WDR70: variants seen among roughly 807,000 people sequenced by gnomAD.
WDR70 encodes the protein WD repeat-containing protein 70.
Under a neutral mutation model 88.6 loss-of-function variants are expected in WDR70, and 53 were observed. The observed-to-expected ratio is 0.60, with a 90% confidence interval of 0.48 to 0.75. WDR70 has a LOEUF of 0.75. Among genes scored for constraint, WDR70 ranks in the 30% least tolerant of loss-of-function variants. The pLI is 0.00. For missense variants in WDR70, 610 were observed against 823.2 expected, an observed-to-expected ratio of 0.74 and a Z score of 3.17; for synonymous variants, 280 against 270.0, an observed-to-expected ratio of 1.04 and a Z score of -0.36.
Position 37,450,456 on chromosome 5 carries a change from C to T in WDR70, c.686+7084C>T, listed in dbSNP as rs369844912. Among the ~76,000 whole-genome samples, 79 of 152,284 alleles carry T rather than the reference C, an allele frequency of 5.2e-4. 1 individual carries two copies. Among genetic ancestry groups the T allele is most frequent in the Admixed American group, 4.0e-3 (61 of 15,292 alleles). On this transcript the variant is annotated intron_variant, in intron 7 of 17. Coordinates refer to ENST00000265107, the MANE Select transcript of WDR70 (RefSeq NM_018034.4). ...TGTATCTCTCTACATCCACGTTAAC[C>T]TGAACACCAGTTCATACTGATGTTC... is the stretch of plus-strand genomic sequence containing the variant.
chr5:37,402,364 A>T (rs1387772676), intron 5 of WDR70, among the ~76,000 whole-genome samples: 1 of 151,516 alleles, frequency 6.6e-6, no homozygotes, highest in East Asian at 1.9e-4. Context: ...ATTGATGGAC[A>T]CGTAGGTTGA....
chr5:37,637,534 A>G (rs990474204), intron 10 of WDR70, among the ~76,000 whole-genome samples: 3 of 152,178 alleles, frequency 2.0e-5, no homozygotes, highest in African/African-American at 7.2e-5. Context: ...GAAAATTTTG[A>G]AAGAGACAAT....
intron 8 of WDR70, among the ~76,000 whole-genome samples, chr5:37,490,665 G>A (rs1388749988): frequency 2.0e-5 from 3 of 152,212 alleles, no homozygotes; most frequent in South Asian, 2.1e-4. Flanking sequence ...GAGCATGTGC[G>A]GGTGTGCTGG....
chr5:37,501,882 C>T (rs1485156682), intron 8 of WDR70, among the ~76,000 whole-genome samples: 1 of 151,934 alleles, frequency 6.6e-6, no homozygotes, highest in African/African-American at 2.4e-5. Context: ...AATGTTATAC[C>T]TCTTGATTTG....
chr5:37,450,173 G>A lies in WDR70; in HGVS notation c.686+6801G>A, dbSNP rs546371145. On this transcript the variant is annotated intron_variant, in intron 7 of 17. Coordinates refer to ENST00000265107, the MANE Select transcript of WDR70 (RefSeq NM_018034.4). ...TGATGGGCATTTGGGTTGGTTCCAA[G>A]TCTTTGCTATTGTGAACAGTGCTGC... Among the ~76,000 whole-genome samples the A allele has an allele frequency of 5.9e-4, 90 of 152,262 alleles. 1 individual carries two copies. Among genetic ancestry groups the A allele is most frequent in the Non-Finnish European group, 1.1e-3 (77 of 68,028 alleles).
At chr5:37,705,107 T>C (rs1747283281) in intron 13 of WDR70, among the ~76,000 whole-genome samples, 1 of 152,128 alleles carries the variant, frequency 6.6e-6, no homozygotes, top group South Asian at 2.1e-4. Flanking sequence ...CTGTTCTTGA[T>C]ATGTTGAGCT....
intron 4 of WDR70, among the ~76,000 whole-genome samples, chr5:37,394,534 A>G (rs1748950036): frequency 6.6e-6 from 1 of 152,188 alleles, no homozygotes; most frequent in Non-Finnish European, 1.5e-5. Flanking sequence ...GAAGGGATAG[A>G]TAACAGACAA....
intron 10 of WDR70, among the ~76,000 whole-genome samples, chr5:37,673,650 G>A (rs1018991812): frequency 7.9e-6 from 1 of 127,208 alleles, no homozygotes; most frequent in Non-Finnish European, 1.5e-5. Flanking sequence ...TGTGCAGGAT[G>A]TGCAGGTTTG....
At chr5:37,505,292 A>G (rs1740526205) in intron 8 of WDR70, among the ~76,000 whole-genome samples, 1 of 152,136 alleles carries the variant, frequency 6.6e-6, no homozygotes, top group African/African-American at 2.4e-5. Context: ...AATATTAATG[A>G]TGTACCTTGG....
intron 9 of WDR70, among the ~76,000 whole-genome samples, chr5:37,540,607 C>G (rs1581378943): frequency 6.6e-6 from 1 of 152,314 alleles, no homozygotes; most frequent in South Asian, 2.1e-4. Flanking sequence ...GTCTTGATCT[C>G]TTGACCTCGT....
intron 5 of WDR70, among the ~76,000 whole-genome samples, chr5:37,404,395 T>C (rs1036847034): frequency 5.9e-5 from 9 of 152,244 alleles, no homozygotes; most frequent in Non-Finnish European, 1.2e-4. Flanking sequence ...TTTATGATAG[T>C]GAAGCCACTT....
At chr5:37,432,597 C>T (rs188261152) in intron 5 of WDR70, among the ~76,000 whole-genome samples, 5,616 of 151,846 alleles carry the variant, frequency 0.037, 364 homozygotes, top group African/African-American at 0.13. Flanking sequence ...GGGGTTTCGC[C>T]GTGTTAGCCA....
rs1365986725 is a variant in WDR70 at position 37,449,599 on chromosome 5, AAAAAT to A, written c.686+6232_686+6236del. ...GAGTGAAATTTTGTCTCAAAAAAAA[AAAAAT>A]AAAAAATAAAAAATAAATAAATAAA... is the stretch of plus-strand genomic sequence containing the variant. On this transcript the variant is annotated intron_variant, in intron 7 of 17. Transcript: ENST00000265107. Among the ~76,000 whole-genome samples the A allele has an allele frequency of 8.9e-4, 39 of 43,786 alleles. 1 individual carries two copies. Among genetic ancestry groups the A allele is most frequent in the South Asian group, 2.5e-3 (3 of 1,210 alleles). The allele number at this position is 43,786 out of a possible 152,430, so 28.7% of individuals were successfully genotyped here. A position where few individuals can be genotyped will look rare whatever the true frequency, so the allele number is the denominator to read the frequency against.
intron 10 of WDR70, among the ~76,000 whole-genome samples, chr5:37,638,927 T>G (rs1227851199): frequency 6.6e-6 from 1 of 152,178 alleles, no homozygotes; most frequent in Non-Finnish European, 1.5e-5. Context: ...CTAGAATAAT[T>G]TAATATACCA....
intron 17 of WDR70, among the ~76,000 whole-genome samples, chr5:37,750,348 A>T (rs544875000): frequency 6.6e-6 from 1 of 152,186 alleles, no homozygotes; most frequent in Non-Finnish European, 1.5e-5. Flanking sequence ...AGCCTGGGCA[A>T]CATGAGCAAG....
At chr5:37,415,393 G>T (rs1466418833) in intron 5 of WDR70, among the ~76,000 whole-genome samples, 3 of 110,506 alleles carry the variant, frequency 2.7e-5, no homozygotes, top group East Asian at 2.7e-4. Flanking sequence ...CGGACGGGGC[G>T]GCTGGCCGGG....
At chr5:37,749,216 G>A (rs778513447) in intron 17 of WDR70, among the ~76,000 whole-genome samples, 12 of 152,118 alleles carry the variant, frequency 7.9e-5, no homozygotes, top group Non-Finnish European at 4.4e-5. Context: ...CCAAATGCCC[G>A]TCAGTGATAG....
chr5:37,479,992 G>A lies in WDR70; in HGVS notation c.840+5G>A, dbSNP rs1739613079. ...GTGGACATGGCCAACACCAAGGTAAGCATTAAACAGAATATTTTAATGAAT... is the reference window on the plus strand; with the variant it reads ...GTGGACATGGCCAACACCAAGGTAAACATTAAACAGAATATTTTAATGAAT... On this transcript the variant is annotated splice_donor_5th_base_variant and intron_variant, in intron 8 of 17. Coordinates refer to ENST00000265107, the MANE Select transcript of WDR70 (RefSeq NM_018034.4). 5.0e-6 allele frequency: 8 copies of A among 1,604,588 alleles called. No homozygotes were observed. The highest frequency in any genetic ancestry group is 3.3e-5 in the South Asian group (3 of 89,750).
At chr5:37,661,868 G>A (rs1029159594) in intron 10 of WDR70, among the ~76,000 whole-genome samples, 1 of 152,172 alleles carries the variant, frequency 6.6e-6, no homozygotes, top group Non-Finnish European at 1.5e-5. Flanking sequence ...GCAATTTGGG[G>A]AGGTTCAGAC....
Sources: gnomAD v4.1 joint callset for allele counts (sites outside exome capture counted in the v4.1 genomes callset) on GRCh38, gnomAD v4.1.1 for gene constraint, MANE v1.5 for transcripts, NCBI Gene and HGNC (gene_info 2026-07-23, HGNC 2026-07-21) for gene names.